The following ARMH3 variants were observed in gnomAD, a reference collection of about 807,000 sequenced individuals.
ARMH3 encodes armadillo like helical domain containing 3.
ARMH3 carries 60 observed loss-of-function variants against 99.1 expected under a neutral mutation model. The observed-to-expected ratio is 0.61, with a 90% CI of 0.49 to 0.75. The LOEUF is 0.75. Among genes scored for constraint, ARMH3 ranks in the 30% least tolerant of loss-of-function variants. ARMH3 has a pLI of 0.00. For synonymous variants in ARMH3, 285 were observed against 292.8 expected, an observed-to-expected ratio of 0.97 and a Z score of 0.27; for missense variants, 679 against 843.1, an observed-to-expected ratio of 0.81 and a Z score of 2.41.
chr10:102,034,890 A>G (rs1005243764), intron 2 of ARMH3, among the ~76,000 whole-genome samples: 13 of 151,954 alleles, frequency 8.6e-5, no homozygotes, highest in Non-Finnish European at 1.5e-4. Context: ...CCTGGGCAAC[A>G]AGAGCAAAAC....
intron 24 of ARMH3, among the ~76,000 whole-genome samples, chr10:101,873,820 CT>C (rs1033360115): frequency 7.9e-5 from 12 of 152,190 alleles, no homozygotes; most frequent in African/African-American, 2.6e-4. Context: ...GTACCTCCTT[CT>C]TTTTTTATGG....
intron 15 of ARMH3, among the ~76,000 whole-genome samples, chr10:101,997,617 T>C (rs1030770910): frequency 2.7e-5 from 4 of 150,890 alleles, no homozygotes; most frequent in Non-Finnish European, 4.4e-5. Flanking sequence ...TTCTGGAGAA[T>C]GGAGAGGAGA....
chr10:101,985,406 A>G (rs998973963), intron 19 of ARMH3, among the ~76,000 whole-genome samples: 3 of 151,330 alleles, frequency 2.0e-5, no homozygotes, highest in African/African-American at 4.9e-5. Flanking sequence ...ACATGTGTAT[A>G]TGTGTGTGCA....
intron 24 of ARMH3, among the ~76,000 whole-genome samples, chr10:101,883,986 T>TCA (rs140583795): frequency 0.028 from 4,043 of 145,470 alleles, 80 homozygotes; most frequent in African/African-American, 0.062. Context: ...GAGGGAGATC[T>TCA]CACACACACA....
intron 19 of ARMH3, among the ~76,000 whole-genome samples, chr10:101,983,868 C>T (rs1306353033): frequency 1.3e-5 from 2 of 152,096 alleles, no homozygotes; most frequent in African/African-American, 4.8e-5. Context: ...TTAATCAAAC[C>T]TAAGGAGGAG....
intron 5 of ARMH3, among the ~76,000 whole-genome samples, chr10:102,027,835 A>G (rs949013103): frequency 6.6e-6 from 1 of 151,788 alleles, no homozygotes; most frequent in African/African-American, 2.4e-5. Context: ...CCTAATCATT[A>G]TAAAGATTCT....
intron 5 of ARMH3, among the ~76,000 whole-genome samples, chr10:102,025,648 T>C (rs1431505161): frequency 2.0e-5 from 3 of 152,136 alleles, no homozygotes; most frequent in Admixed American, 2.0e-4. Flanking sequence ...TCTTTTCTTT[T>C]CTTTTCTTTT....
At chr10:101,940,924 A>G (rs1184407102) in intron 22 of ARMH3, among the ~76,000 whole-genome samples, 1 of 152,234 alleles carries the variant, frequency 6.6e-6, no homozygotes, top group Admixed American at 6.5e-5. Flanking sequence ...TGAAAGAGCA[A>G]GCACATGGTA....
chr10:102,018,924 T>C (rs1253987149), intron 8 of ARMH3, among the ~76,000 whole-genome samples: 1 of 151,880 alleles, frequency 6.6e-6, no homozygotes, highest in Non-Finnish European at 1.5e-5. Flanking sequence ...GCCATTGCAC[T>C]CCATCCTGGG....
chr10:102,002,958 CACAA>C (rs1434326025), intron 14 of ARMH3, among the ~76,000 whole-genome samples: 1 of 110,154 alleles, frequency 9.1e-6, no homozygotes, highest in Non-Finnish European at 2.0e-5. Flanking sequence ...GAGACTCTGT[CACAA>C]ATAAATAAAT....
At chr10:101,990,946 G>A (rs1164693814) in intron 18 of ARMH3, among the ~76,000 whole-genome samples, 1 of 152,192 alleles carries the variant, frequency 6.6e-6, no homozygotes, top group African/African-American at 2.4e-5. Flanking sequence ...CATATTCTGA[G>A]ACTAGACAAT....
intron 23 of ARMH3, 102 bp from the exon 24 acceptor site, chr10:101,889,592 A>T: frequency 9.4e-7 from 1 of 1,058,444 alleles, no homozygotes; most frequent in Non-Finnish European, 1.5e-6. Flanking sequence ...GTACTAGAGC[A>T]TGGGACCGAT....
At chr10:101,952,200 C>T (rs1844823454) in intron 22 of ARMH3, among the ~76,000 whole-genome samples, 1 of 152,102 alleles carries the variant, frequency 6.6e-6, no homozygotes, top group Non-Finnish European at 1.5e-5. Flanking sequence ...GGTAGAGAAA[C>T]ACAGCAAACA....
intron 8 of ARMH3, among the ~76,000 whole-genome samples, chr10:102,014,259 G>A (rs909024375): frequency 2.0e-5 from 3 of 152,090 alleles, no homozygotes; most frequent in African/African-American, 7.2e-5. Flanking sequence ...CCTCAGTTCT[G>A]TTCTACCATT....
chr10:101,853,097 G>A (rs921019777), intron 24 of ARMH3, among the ~76,000 whole-genome samples: 1 of 148,430 alleles, frequency 6.7e-6, no homozygotes, highest in Non-Finnish European at 1.5e-5. Flanking sequence ...CATGATATTG[G>A]CTAGGCTGGT....
intron 19 of ARMH3, among the ~76,000 whole-genome samples, chr10:101,977,936 A>G (rs1846078901): frequency 6.6e-6 from 1 of 152,208 alleles, no homozygotes; most frequent in South Asian, 2.1e-4. Context: ...TTTTCTCTAT[A>G]AATTTTTCAG....
rs1467433238 is a variant in ARMH3 at position 101,995,314 on chromosome 10, G to C, written c.1192C>G (p.Leu398Val). The change falls in exon 16 of 26, where the codon CTT becomes GTT. Residue 398 changes from leucine (L) to valine (V), a missense_variant. This residue lies in a region of ARMH3 where 389 missense variants were observed against 456.5 expected (regional missense o/e 0.85). Transcript: ENST00000370033. Reference protein sequence around the residue: ...LHSGKLCLIILTCIAEDQYAN... With the variant: ...LHSGKLCLIIVTCIAEDQYAN... The stretch of plus-strand genomic sequence containing the variant: ...AGACCTACCTCTGCAATACATGTAA[G>C]GATAATCAGACAGAGTTTGCCACTG... 6.2e-7 allele frequency: 1 copy of C among 1,613,864 alleles called. No homozygotes were observed. Among genetic ancestry groups the C allele is most frequent in the Non-Finnish European group, 8.5e-7 (1 of 1,179,828 alleles).
intron 24 of ARMH3, among the ~76,000 whole-genome samples, chr10:101,858,546 G>A: frequency 6.6e-6 from 1 of 152,110 alleles, no homozygotes; most frequent in East Asian, 1.9e-4. Flanking sequence ...CTGAAATTGG[G>A]AGAAGTGACC....
chr10:101,973,627 A>T (rs1845870080), intron 20 of ARMH3, among the ~76,000 whole-genome samples: 1 of 152,236 alleles, frequency 6.6e-6, no homozygotes, highest in Non-Finnish European at 1.5e-5. Context: ...ATGGAACAGG[A>T]TAATGAGGAA....
Sources: gnomAD v4.1 joint callset for allele counts (sites outside exome capture counted in the v4.1 genomes callset) on GRCh38, gnomAD v4.1.1 for gene constraint, gnomAD v4.1.1 regional missense constraint, MANE v1.5 for transcripts, NCBI Gene and HGNC (gene_info 2026-07-23, HGNC 2026-07-21) for gene names.